IRGM: variants seen among roughly 807,000 people sequenced by gnomAD.
IRGM encodes the protein immunity related GTPase M.
For missense variants in IRGM, 288 were observed against 219.9 expected (o/e 1.31, Z -1.96); for synonymous variants, 98 against 80.6 (o/e 1.22, Z -1.16).
rs371234734 is a variant in IRGM at position 150,848,589 on chromosome 5, G to T, written c.466G>T (p.Ala156Ser). Residue 156 changes from alanine to serine, a missense_variant, in exon 2 of 2, where the codon GCC (alanine) becomes TCC (serine). Ala to Ser is a moderately conservative substitution (Grantham distance 99, BLOSUM62 1). Coordinates refer to ENST00000522154, the MANE Select transcript of IRGM (RefSeq NM_001145805.2). ...GCTAGACATGGACCTCAGCACAGGT[G>T]CCCTCCCAGAAGTGCAGCTACTGCA... Reference protein sequence around the residue: ...TKLDMDLSTGALPEVQLLQIR... With the variant: ...TKLDMDLSTGSLPEVQLLQIR... 15 of 1,551,482 alleles carry T rather than the reference G, an allele frequency of 9.7e-6. No individual in the cohort carries two copies. Among genetic ancestry groups the T allele is most frequent in the Non-Finnish European group, 1.3e-5 (15 of 1,146,788 alleles).
At chr5:150,901,403 T>G (rs1754991269), downstream of IRGM, among the ~76,000 whole-genome samples, 1 of 152,098 alleles carries the variant, frequency 6.6e-6, no homozygotes, top group African/African-American at 2.4e-5. Flanking sequence ...CTTTGAAATC[T>G]GGTATGTACT....
chr5:150,901,931 T>C (rs1039844085), downstream of IRGM, among the ~76,000 whole-genome samples: 14 of 151,882 alleles, frequency 9.2e-5, no homozygotes, highest in African/African-American at 3.4e-4. Flanking sequence ...GAACAAAATA[T>C]TTACTATAAC....
intron 1 of IRGM, among the ~76,000 whole-genome samples, chr5:150,876,732 C>A (rs1026905958): frequency 6.6e-6 from 1 of 152,128 alleles, no homozygotes; most frequent in South Asian, 2.1e-4. Context: ...TGGGTCACTC[C>A]ACCAGGTAAA....
chr5:150,860,844 C>T (rs1489885353), intron 1 of IRGM, among the ~76,000 whole-genome samples: 1 of 152,204 alleles, frequency 6.6e-6, no homozygotes, highest in African/African-American at 2.4e-5. Context: ...AGTTCTCCCT[C>T]TCTGTATCTC....
chr5:150,888,558 C>T (rs1754559133), intron 3 of IRGM, among the ~76,000 whole-genome samples: 1 of 151,950 alleles, frequency 6.6e-6, no homozygotes, highest in African/African-American at 2.4e-5. Context: ...CATAATTTGA[C>T]ATAAAACAAT....
At chr5:150,890,926 G>A (rs552560335) in intron 3 of IRGM, among the ~76,000 whole-genome samples, 1 of 152,114 alleles carries the variant, frequency 6.6e-6, no homozygotes, top group East Asian at 1.9e-4. Context: ...GGGGTGGGAT[G>A]TTCTACAAAT....
downstream of IRGM, among the ~76,000 whole-genome samples, chr5:150,901,458 C>A (rs895348976): frequency 2.6e-5 from 4 of 151,992 alleles, no homozygotes; most frequent in African/African-American, 4.8e-5. Context: ...TGTTCAGTAA[C>A]CACATTTGGC....
intron 1 of IRGM, chr5:150,847,479 G>C (rs189045410): frequency 1.6e-4 from 25 of 152,628 alleles, no homozygotes; most frequent in African/African-American, 5.8e-4. Context: ...ATGGCCACAT[G>C]CCTGCTTTGG....
In IRGM at chr5:150,859,246, T is replaced by C. The variant is rs570610586; in HGVS notation, c.158+10592T>C. Among the ~76,000 whole-genome samples the C allele has an allele frequency of 1.2e-4, 19 of 152,374 alleles. 1 individual carries two copies. The East Asian group carries it at 3.3e-3, about 26-fold the overall frequency. ...GGTTACATTTATTGATTTGTGTATG[T>C]TGAACCAGCCTTGCATCCCAGGGAT... On this transcript the variant is annotated intron_variant and NMD_transcript_variant, in intron 1 of 3. Transcript: ENST00000520549.
chr5:150,859,057 G>T (rs1349984420), intron 1 of IRGM, among the ~76,000 whole-genome samples: 1 of 152,190 alleles, frequency 6.6e-6, no homozygotes, highest in Non-Finnish European at 1.5e-5. Context: ...GATATTGGTT[G>T]TGGATTTGTC....
chr5:150,867,968 G>A (rs1375047442), intron 1 of IRGM, among the ~76,000 whole-genome samples: 1 of 151,860 alleles, frequency 6.6e-6, no homozygotes, highest in African/African-American at 2.4e-5. Flanking sequence ...TTCTTTTGCT[G>A]TGCAGAAAGT....
downstream of IRGM, among the ~76,000 whole-genome samples, chr5:150,902,115 GTC>G (rs1200698019): frequency 2.6e-5 from 4 of 152,060 alleles, no homozygotes; most frequent in Admixed American, 6.6e-5. Flanking sequence ...AAGTTAAAAG[GTC>G]TCTCTGTTTT....
intron 3 of IRGM, chr5:150,895,756 A>T: frequency 6.2e-7 from 1 of 1,613,648 alleles, no homozygotes; most frequent in Admixed American, 1.7e-5. Context: ...CATTCACTAC[A>T]TTTATAGGGT....
chr5:150,872,510 A>G (rs1051529346), intron 1 of IRGM, among the ~76,000 whole-genome samples: 3 of 152,230 alleles, frequency 2.0e-5, no homozygotes, highest in Admixed American at 6.5e-5. Flanking sequence ...GGTGTGCTAC[A>G]TTCCAAAAGA....
At chr5:150,864,958 AAGG>A (rs1754186086) in intron 1 of IRGM, among the ~76,000 whole-genome samples, 3 of 152,346 alleles carry the variant, frequency 2.0e-5, no homozygotes, top group Admixed American at 1.3e-4. Flanking sequence ...CCAGAGTTAT[AAGG>A]AGAAGGTGAA....
At chr5:150,851,472 G>A (rs148046932), downstream of IRGM, among the ~76,000 whole-genome samples, 869 of 152,252 alleles carry the variant, frequency 5.7e-3, 10 homozygotes, top group African/African-American at 0.02. Flanking sequence ...AATGCACGAC[G>A]GCAGGCCAGG....
intron 3 of IRGM, chr5:150,895,618 G>T: frequency 6.2e-7 from 1 of 1,613,172 alleles, no homozygotes; most frequent in Non-Finnish European, 8.5e-7. Flanking sequence ...GTATGAATTC[G>T]CTGGTGTCCC....
chr5:150,888,225 G>A (rs1237869726), intron 3 of IRGM, among the ~76,000 whole-genome samples: 2 of 151,866 alleles, frequency 1.3e-5, no homozygotes, highest in Non-Finnish European at 2.9e-5. Flanking sequence ...GACAAAGAAG[G>A]GCATTACATA....
chr5:150,867,408 T>C (rs1754223454), intron 1 of IRGM, among the ~76,000 whole-genome samples: 1 of 152,166 alleles, frequency 6.6e-6, no homozygotes, highest in African/African-American at 2.4e-5. Context: ...GGTTCTATAT[T>C]TTTGAGATTG....
Sources: gnomAD v4.1 joint callset for allele counts (sites outside exome capture counted in the v4.1 genomes callset) on GRCh38, gnomAD v4.1.1 for gene constraint, MANE v1.5 for transcripts, NCBI Gene and HGNC (gene_info 2026-07-23, HGNC 2026-07-21) for gene names.